SEMA6D: variants seen among roughly 807,000 people sequenced by gnomAD.
SEMA6D encodes semaphorin 6D.
A neutral mutation model predicts 106.6 loss-of-function variants in SEMA6D; 35 were observed. That is an observed-to-expected ratio of 0.33 (90% CI 0.25 to 0.44). The LOEUF (loss-of-function observed/expected upper bound fraction) is 0.44. Ranked by LOEUF, SEMA6D falls within the 20% of genes least tolerant of loss-of-function variation. The pLI, the probability that SEMA6D is intolerant of heterozygous loss-of-function variation, is 1.00. For synonymous variants in SEMA6D, 499 were observed against 487.7 expected (o/e 1.02, Z -0.31); for missense variants, 1,185 against 1,345.9 (o/e 0.88, Z 1.87).
chr15:47,353,203 A>C (rs2038397678), intron 1 of SEMA6D, among the ~76,000 whole-genome samples: 1 of 152,174 alleles, frequency 6.6e-6, no homozygotes, highest in Non-Finnish European at 1.5e-5. Flanking sequence ...ATGGTGAATT[A>C]CACTGACATT....
At chr15:47,278,251 T>G (rs935545371) in intron 1 of SEMA6D, among the ~76,000 whole-genome samples, 1 of 152,216 alleles carries the variant, frequency 6.6e-6, no homozygotes, top group African/African-American at 2.4e-5. Flanking sequence ...TGTTCCTGTT[T>G]CTCCACATCC....
At chr15:47,703,376 G>C (rs907953250) in intron 4 of SEMA6D, among the ~76,000 whole-genome samples, 1 of 152,104 alleles carries the variant, frequency 6.6e-6, no homozygotes, top group Non-Finnish European at 1.5e-5. Context: ...ATACAAGTTT[G>C]CTATTTAAAT....
chr15:47,759,307 G>A (rs1223064809), intron 1 of SEMA6D, among the ~76,000 whole-genome samples: 1 of 152,200 alleles, frequency 6.6e-6, no homozygotes, highest in East Asian at 1.9e-4. Context: ...CAGCCCTCTG[G>A]CTATTTTTGA....
At chr15:47,300,190 C>T (rs570186261) in intron 1 of SEMA6D, among the ~76,000 whole-genome samples, 4 of 152,250 alleles carry the variant, frequency 2.6e-5, no homozygotes, top group Non-Finnish European at 5.9e-5. Flanking sequence ...CTCCTCCTCA[C>T]GCTGAGGGCT....
chr15:47,259,792 C>T (rs891447224), intron 1 of SEMA6D, among the ~76,000 whole-genome samples: 20 of 152,242 alleles, frequency 1.3e-4, no homozygotes, highest in Admixed American at 8.5e-4. Flanking sequence ...TTCTCCTTTT[C>T]GTAGACATTG....
intron 4 of SEMA6D, among the ~76,000 whole-genome samples, chr15:47,681,262 C>T (rs1007824962): frequency 6.6e-6 from 1 of 152,158 alleles, no homozygotes; most frequent in African/African-American, 2.4e-5. Context: ...AGATATTATT[C>T]AGCCTACAAG....
chr15:47,546,421 G>C (rs946098812), intron 3 of SEMA6D, among the ~76,000 whole-genome samples: 6 of 152,008 alleles, frequency 3.9e-5, no homozygotes, highest in African/African-American at 1.5e-4. Context: ...GCTTTATCTT[G>C]TCTGTCTAAT....
intron 3 of SEMA6D, among the ~76,000 whole-genome samples, chr15:47,592,314 T>G (rs1431736068): frequency 3.3e-5 from 5 of 152,212 alleles, no homozygotes; most frequent in Non-Finnish European, 7.4e-5. Flanking sequence ...GAACCAGTCC[T>G]TCCATGTTTC....
At chr15:47,616,990 C>T (rs1031807726) in intron 4 of SEMA6D, among the ~76,000 whole-genome samples, 2 of 152,152 alleles carry the variant, frequency 1.3e-5, no homozygotes, top group African/African-American at 4.8e-5. Context: ...TTTCTAGTCA[C>T]GTGTTAGCCC....
At chr15:47,636,088 G>A (rs1458296162) in intron 4 of SEMA6D, among the ~76,000 whole-genome samples, 1 of 152,084 alleles carries the variant, frequency 6.6e-6, no homozygotes, top group Non-Finnish European at 1.5e-5. Flanking sequence ...AAAATTGACA[G>A]AGATGGGGAG....
intron 1 of SEMA6D, among the ~76,000 whole-genome samples, chr15:47,233,907 T>A (rs959102492): frequency 6.6e-6 from 1 of 152,024 alleles, no homozygotes; most frequent in Non-Finnish European, 1.5e-5. Context: ...TGTCTTTTAT[T>A]TCCTTTTCTT....
intron 15 of SEMA6D, 98 bp from the exon 16 acceptor site, chr15:47,766,518 C>A: frequency 1.0e-6 from 1 of 1,000,760 alleles, no homozygotes; most frequent in Non-Finnish European, 1.5e-6. Flanking sequence ...TCTGCCCATT[C>A]TTACTAATCA....
At chr15:47,573,843 A>T (rs1266481872) in intron 3 of SEMA6D, among the ~76,000 whole-genome samples, 1 of 152,200 alleles carries the variant, frequency 6.6e-6, no homozygotes, top group Non-Finnish European at 1.5e-5. Flanking sequence ...TGATGTTGAC[A>T]TCTAAATGAC....
At position 47,216,892 on chromosome 15, in the gene SEMA6D, G is replaced by A. The variant is rs527417777; in HGVS notation, c.-239+32474G>A. Among the ~76,000 whole-genome samples the A allele has an allele frequency of 2.8e-3, 428 of 152,208 alleles. 2 individuals are homozygous for A. Among genetic ancestry groups the A allele is most frequent in the Middle Eastern group, 0.024 (7 of 294 alleles). On this transcript the variant is annotated intron_variant, in intron 1 of 19. Coordinates refer to the SEMA6D transcript ENST00000558014. ...CATTGGTTAGGATGTGAAGAAAGAA[G>A]CTGCAATGATCTGAATATTTGTGTC... is the stretch of plus-strand genomic sequence containing the variant.
At position 47,760,664 on chromosome 15, in the gene SEMA6D, GAA is replaced by G. The variant is rs3840835; in HGVS notation, c.221+259_221+260del. Reference sequence around the variant, plus strand: ...ATTCTTTTTTCCTAAAGCAGCAGGGGAAAAAAAAAAACCTTTCTTTATGCGTT... The same window carrying G: ...ATTCTTTTTTCCTAAAGCAGCAGGGGAAAAAAAAACCTTTCTTTATGCGTT... On this transcript the variant is annotated intron_variant, in intron 3 of 18. Coordinates refer to ENST00000536845, the MANE Select transcript of SEMA6D (RefSeq NM_001358351.3). 2.7e-4 allele frequency among the ~76,000 whole-genome samples: 40 copies of G among 148,294 alleles called. No homozygotes were observed. In the Middle Eastern group the frequency reaches 0.01, roughly 38 times the overall value.
At chr15:47,422,180 G>GCCTTCCTTCCTTCCTTCCTT (rs68039702) in intron 2 of SEMA6D, among the ~76,000 whole-genome samples, 103 of 112,856 alleles carry the variant, frequency 9.1e-4, no homozygotes, top group East Asian at 3.4e-3. Flanking sequence ...CCGCCTGCCT[G>GCCTTCCTTCCTTCCTTCCTT]CCTTCCTTCC....
chr15:47,733,510 C>A (rs188785648), intron 1 of SEMA6D, among the ~76,000 whole-genome samples: 1 of 152,158 alleles, frequency 6.6e-6, no homozygotes, highest in Non-Finnish European at 1.5e-5. Context: ...TCATTGAATA[C>A]GAGTCTTGTT....
chr15:47,448,324 C>A (rs1312387798), intron 2 of SEMA6D, among the ~76,000 whole-genome samples: 3 of 152,036 alleles, frequency 2.0e-5, no homozygotes, highest in African/African-American at 7.2e-5. Flanking sequence ...TCAGTATGAC[C>A]TGGGCACAGC....
chr15:47,754,310 T>C (rs1817768480), intron 1 of SEMA6D, among the ~76,000 whole-genome samples: 1 of 152,240 alleles, frequency 6.6e-6, no homozygotes, highest in African/African-American at 2.4e-5. Flanking sequence ...TAAAGAACTC[T>C]CCTTCAATAT....
Sources: gnomAD v4.1 joint callset for allele counts (sites outside exome capture counted in the v4.1 genomes callset) on GRCh38, gnomAD v4.1.1 for gene constraint, MANE v1.5 for transcripts, NCBI Gene and HGNC (gene_info 2026-07-23, HGNC 2026-07-21) for gene names.